ANKS1B: variants seen among roughly 807,000 people sequenced by gnomAD.
ANKS1B encodes the protein ankyrin repeat and sterile alpha motif domain-containing protein 1B.
Under a neutral mutation model 148.3 loss-of-function variants are expected in ANKS1B, and 36 were observed. That is an observed-to-expected ratio of 0.24 (90% confidence interval 0.19 to 0.32). ANKS1B has a LOEUF of 0.32. Among genes scored for constraint, ANKS1B ranks in the 10% least tolerant of loss-of-function variants. The pLI is 1.00. For synonymous variants in ANKS1B, 542 were observed against 560.8 expected, an observed-to-expected ratio of 0.97 and a Z score of 0.47; for missense variants, 1,157 against 1,542.6, an observed-to-expected ratio of 0.75 and a Z score of 4.19.
At chr12:99,061,418 G>A (rs974111657) in intron 16 of ANKS1B, among the ~76,000 whole-genome samples, 1 of 152,182 alleles carries the variant, frequency 6.6e-6, no homozygotes, top group Admixed American at 6.5e-5. Flanking sequence ...ATTAGCAGAC[G>A]ATTCTAATTC....
At chr12:99,266,921 C>T (rs1364182620) in intron 12 of ANKS1B, among the ~76,000 whole-genome samples, 1 of 152,146 alleles carries the variant, frequency 6.6e-6, no homozygotes, top group African/African-American at 2.4e-5. Context: ...CCTGTCAAAA[C>T]GTTTGGTGAA....
intron 19 of ANKS1B, among the ~76,000 whole-genome samples, chr12:98,816,233 C>A (rs1027414668): frequency 2.6e-5 from 4 of 152,160 alleles, no homozygotes; most frequent in African/African-American, 9.7e-5. Context: ...CATATTACAT[C>A]CAAATTAAGT....
Position 99,433,277 on chromosome 12 carries a change from A to C in ANKS1B, c.1575+10396T>G, listed in dbSNP as rs964393477. On this transcript the variant is annotated intron_variant, in intron 11 of 26. Coordinates refer to ENST00000683438, the MANE Select transcript of ANKS1B (RefSeq NM_001352186.2). ...TCTGTTAATATTTATATAAAAACTA[A>C]AAATAAAAATTCTTTAAGCATAATA... Among the ~76,000 whole-genome samples, 7 of 152,264 alleles carry C rather than the reference A, an allele frequency of 4.6e-5. No homozygotes were observed. The South Asian group carries it at 1.0e-3, about 23-fold the overall frequency.
At chr12:99,137,282 G>A (rs1366443329) in intron 15 of ANKS1B, among the ~76,000 whole-genome samples, 1 of 152,162 alleles carries the variant, frequency 6.6e-6, no homozygotes, top group African/African-American at 2.4e-5. Flanking sequence ...CACCACTGAT[G>A]CCAATGTAAT....
intron 16 of ANKS1B, among the ~76,000 whole-genome samples, chr12:99,074,372 G>A (rs969106581): frequency 1.3e-5 from 2 of 151,712 alleles, no homozygotes; most frequent in Non-Finnish European, 2.9e-5. Flanking sequence ...CTTTAGCTTG[G>A]GAAGAATGTA....
At chr12:98,857,773 A>G (rs1051798133) in intron 17 of ANKS1B, among the ~76,000 whole-genome samples, 1 of 152,218 alleles carries the variant, frequency 6.6e-6, no homozygotes, top group African/African-American at 2.4e-5. Flanking sequence ...CAAAACTTCT[A>G]AACTCAAGGT....
At chr12:99,927,763 C>T (rs1209835233) in intron 1 of ANKS1B, among the ~76,000 whole-genome samples, 1 of 151,906 alleles carries the variant, frequency 6.6e-6, no homozygotes, top group East Asian at 1.9e-4. Context: ...GCCTGGGCAA[C>T]ACAGTGATAC....
chr12:99,254,504 C>T (rs763923452), intron 12 of ANKS1B, among the ~76,000 whole-genome samples: 1 of 152,130 alleles, frequency 6.6e-6, no homozygotes, highest in Non-Finnish European at 1.5e-5. Flanking sequence ...TACTTCTTGA[C>T]AGAAGAAAGT....
chr12:99,712,240 G>A (rs915893863), intron 8 of ANKS1B, among the ~76,000 whole-genome samples: 2 of 152,140 alleles, frequency 1.3e-5, no homozygotes, highest in Non-Finnish European at 2.9e-5. Flanking sequence ...TCAAGACCTT[G>A]GGGATGCAGA....
At chr12:99,275,104 A>G (rs989526390) in intron 12 of ANKS1B, among the ~76,000 whole-genome samples, 1 of 152,204 alleles carries the variant, frequency 6.6e-6, no homozygotes, top group African/African-American at 2.4e-5. Context: ...GGAGTAAATG[A>G]AACATTGTGA....
At chr12:99,158,261 T>A (rs1027957477) in intron 14 of ANKS1B, among the ~76,000 whole-genome samples, 4 of 152,188 alleles carry the variant, frequency 2.6e-5, no homozygotes, top group Non-Finnish European at 5.9e-5. Context: ...TCTTAAAGCA[T>A]AACAACACAC....
At chr12:99,713,069 T>C (rs1374762189) in intron 8 of ANKS1B, among the ~76,000 whole-genome samples, 1 of 152,200 alleles carries the variant, frequency 6.6e-6, no homozygotes, top group Non-Finnish European at 1.5e-5. Flanking sequence ...TCTCAAAAAC[T>C]TTGTGGGTCT....
chr12:99,370,225 C>A (rs1180491856), intron 12 of ANKS1B, among the ~76,000 whole-genome samples: 1 of 152,024 alleles, frequency 6.6e-6, no homozygotes, highest in African/African-American at 2.4e-5. Flanking sequence ...GCTGTCAGTG[C>A]TAACAACAAA....
Position 98,745,122 on chromosome 12 carries a change from T to C in ANKS1B, c.*617A>G, listed in dbSNP as rs570388701. 1.0e-6 allele frequency: 1 copy of C among 985,828 alleles called. No homozygotes were observed. The highest frequency in any genetic ancestry group is 1.1e-4 in the East Asian group (1 of 8,820). 61.1% of individuals were successfully genotyped at this position (985,828 alleles called of 1,614,324 possible). Reference sequence around the variant, plus strand: ...TCATTCTTTCCTTTTGAACCAATCATTTGGTTGAAAGGTTTTCTTTCTCTG... The same window carrying C: ...TCATTCTTTCCTTTTGAACCAATCACTTGGTTGAAAGGTTTTCTTTCTCTG... On this transcript the variant is annotated 3_prime_UTR_variant, in exon 27 of 27. Transcript: ENST00000683438.
intron 16 of ANKS1B, among the ~76,000 whole-genome samples, chr12:99,058,804 C>T (rs977817980): frequency 7.2e-6 from 1 of 138,440 alleles, no homozygotes; most frequent in African/African-American, 2.7e-5. Context: ...GTGGCGCGAT[C>T]TCGGCTCACT....
At chr12:99,118,537 T>C (rs185653504) in intron 15 of ANKS1B, among the ~76,000 whole-genome samples, 1 of 152,298 alleles carries the variant, frequency 6.6e-6, no homozygotes, top group Admixed American at 6.5e-5. Context: ...CTTTTCACTT[T>C]CATAAAGAGG....
intron 9 of ANKS1B, among the ~76,000 whole-genome samples, chr12:99,634,439 T>C (rs532317055): frequency 1.3e-5 from 2 of 152,276 alleles, no homozygotes; most frequent in African/African-American, 2.4e-5. Context: ...ATAAAAAATA[T>C]ATTACTTTTC....
At chr12:99,851,669 T>G (rs909997542) in intron 1 of ANKS1B, among the ~76,000 whole-genome samples, 1 of 152,154 alleles carries the variant, frequency 6.6e-6, no homozygotes, top group East Asian at 1.9e-4. Context: ...ACAATTTTAA[T>G]AATGTACTAT....
At chr12:99,120,938 T>C (rs1233654310) in intron 15 of ANKS1B, among the ~76,000 whole-genome samples, 1 of 152,088 alleles carries the variant, frequency 6.6e-6, no homozygotes, top group Non-Finnish European at 1.5e-5. Flanking sequence ...AAAGAGAGGC[T>C]TAGAAAAAGT....
Sources: gnomAD v4.1 joint callset for allele counts (sites outside exome capture counted in the v4.1 genomes callset) on GRCh38, gnomAD v4.1.1 for gene constraint, MANE v1.5 for transcripts, NCBI Gene and HGNC (gene_info 2026-07-23, HGNC 2026-07-21) for gene names.